Variants in CATSPERH observed in about 807,000 individuals in gnomAD.
The protein encoded by CATSPERH is catsper channel auxiliary subunit eta.
the CATSPERH span, chr11:65,088,944 G>A: frequency 6.5e-7 from 1 of 1,535,726 alleles, no homozygotes; most frequent in Non-Finnish European, 8.7e-7. Context: ...AAGATGCCCA[G>A]GTGTAAGAAG....
chr11:65,089,092 G>T, the CATSPERH span: 2 of 1,359,958 alleles, frequency 1.5e-6, no homozygotes, highest in South Asian at 1.3e-5. Flanking sequence ...CCCTGCCCAG[G>T]AAAAGCAGCA....
the CATSPERH span, chr11:65,088,483 G>A: frequency 1.3e-6 from 2 of 1,536,166 alleles, no homozygotes; most frequent in Non-Finnish European, 1.7e-6. Context: ...GTACTCGATG[G>A]CCAGAAACTC....
At chr11:65,088,899 G>T in the CATSPERH span, 1 of 1,535,640 alleles carries the variant, frequency 6.5e-7, no homozygotes, top group African/African-American at 1.4e-5. Context: ...TGGTCATAGT[G>T]GTAGGTGATG....
At chr11:65,088,998 A>C in the CATSPERH span, 23 of 1,535,664 alleles carry the variant, frequency 1.5e-5, no homozygotes, top group Admixed American at 3.9e-5. Flanking sequence ...CCTTTTGGGA[A>C]GAAGAACGTG....
chr11:65,088,958 A>G, the CATSPERH span: 5 of 1,535,640 alleles, frequency 3.3e-6, no homozygotes, highest in African/African-American at 5.5e-5. Context: ...TAAGAAGAAG[A>G]GCATCAGCGC....
the CATSPERH span, chr11:65,088,804 A>G: frequency 2.0e-6 from 3 of 1,535,136 alleles, no homozygotes; most frequent in Non-Finnish European, 2.6e-6. Flanking sequence ...TGGGGTTTCC[A>G]TCAGCCCCTC....
At chr11:65,088,679 G>A in the CATSPERH span, 14 of 1,536,298 alleles carry the variant, frequency 9.1e-6, no homozygotes, top group South Asian at 2.4e-5. Flanking sequence ...AGAAGCAGAC[G>A]TACTTGTTTT....
chr11:65,088,545 AGAGCCCCCCAT>A, the CATSPERH span: 27 of 1,528,140 alleles, frequency 1.8e-5, no homozygotes, highest in Non-Finnish European at 2.4e-5. Context: ...GGCGGGGGAC[AGAGCCCCCCAT>A]GAGCCCCAGT....
chr11:65,088,620 C>T, the CATSPERH span: 1 of 1,534,014 alleles, frequency 6.5e-7, no homozygotes, highest in Non-Finnish European at 8.7e-7. Flanking sequence ...CTCCCCGCTC[C>T]CTCTTGCACC....
chr11:65,089,036 C>T, the CATSPERH span: 1 of 1,534,940 alleles, frequency 6.5e-7, no homozygotes, highest in Non-Finnish European at 8.7e-7. Context: ...CCACATCTTG[C>T]CCGCAGTGTA....
At chr11:65,088,950 A>T in the CATSPERH span, 1 of 1,535,700 alleles carries the variant, frequency 6.5e-7, no homozygotes, top group Non-Finnish European at 8.7e-7. Flanking sequence ...CCCAGGTGTA[A>T]GAAGAAGAGC....
the CATSPERH span, chr11:65,088,613 C>T: frequency 6.5e-7 from 1 of 1,533,044 alleles, no homozygotes; most frequent in South Asian, 1.2e-5. Flanking sequence ...TCCAAAGCTC[C>T]CCGCTCCCTC....
chr11:65,088,636 A>G, the CATSPERH span: 10 of 1,535,026 alleles, frequency 6.5e-6, no homozygotes, highest in Non-Finnish European at 7.9e-6. Flanking sequence ...GCACCCTCCC[A>G]CTCCTGCCAC....
At chr11:65,088,420 TC>T in the CATSPERH span, 1 of 1,532,352 alleles carries the variant, frequency 6.5e-7, no homozygotes, top group African/African-American at 1.4e-5. Flanking sequence ...GCCTTTTGCT[TC>T]CCCCTCCTTA....
the CATSPERH span, chr11:65,088,902 A>G: frequency 6.5e-7 from 1 of 1,535,798 alleles, no homozygotes; most frequent in Non-Finnish European, 8.7e-7. Context: ...TCATAGTGGT[A>G]GGTGATGCAG....
chr11:65,089,087 C>T, the CATSPERH span: 6 of 1,408,376 alleles, frequency 4.3e-6, no homozygotes, highest in Non-Finnish European at 5.8e-6. Context: ...GCAGGCCCTG[C>T]CCAGGAAAAG....
the CATSPERH span, chr11:65,088,611 T>G: frequency 6.5e-7 from 1 of 1,532,376 alleles, no homozygotes; most frequent in Non-Finnish European, 8.7e-7. Flanking sequence ...GTTCCAAAGC[T>G]CCCCGCTCCC....
chr11:65,088,998 A>G, the CATSPERH span: 96 of 1,535,664 alleles, frequency 6.3e-5, no homozygotes, highest in Non-Finnish European at 7.1e-5. Context: ...CCTTTTGGGA[A>G]GAAGAACGTG....
chr11:65,088,574 C>T, the CATSPERH span: 26 of 1,521,486 alleles, frequency 1.7e-5, no homozygotes, highest in Non-Finnish European at 2.3e-5. Context: ...AGTACCCTTC[C>T]CTGGCTACTC....
Sources: allele counts gnomAD v4.1 joint callset, GRCh38; gene constraint gnomAD v4.1.1; transcripts MANE v1.5; gene names NCBI Gene and HGNC (gene_info 2026-07-23, HGNC 2026-07-21).